KLHL13: variants seen among roughly 807,000 people sequenced by gnomAD.
KLHL13 encodes the protein kelch-like protein 13.
In KLHL13, 10 loss-of-function variants were observed where a neutral mutation model predicts 37.1. The observed-to-expected ratio is 0.27, with a 90% CI of 0.17 to 0.46. KLHL13 has a LOEUF of 0.46. Ranked by LOEUF, KLHL13 falls within the 20% of genes least tolerant of loss-of-function variation. The pLI is 1.00. For missense variants in KLHL13, 360 were observed against 509.3 expected, an observed-to-expected ratio of 0.71 and a Z score of 2.82; for synonymous variants, 163 against 181.2, an observed-to-expected ratio of 0.90 and a Z score of 0.81.
intron 1 of KLHL13, among the ~76,000 whole-genome samples, chrX:117,963,348 G>T (rs2053338472): frequency 9.0e-6 from 1 of 111,730 alleles, no homozygotes; most frequent in African/African-American, 3.3e-5. Context: ...AATTATTACT[G>T]CTTGGAAGGT....
At chrX:118,062,586 T>G (rs1400410454) in intron 1 of KLHL13, among the ~76,000 whole-genome samples, 6 of 110,939 alleles carry the variant, frequency 5.4e-5, no homozygotes, top group Non-Finnish European at 9.5e-5. Flanking sequence ...ACTACTTCAC[T>G]ACATCTTCTA....
intron 1 of KLHL13, among the ~76,000 whole-genome samples, chrX:118,053,422 T>C (rs745520149): frequency 1.3e-4 from 14 of 110,929 alleles, no homozygotes; most frequent in African/African-American, 4.3e-4. Flanking sequence ...TTCTCACTCA[T>C]AGGTGGGAAT....
intron 1 of KLHL13, among the ~76,000 whole-genome samples, chrX:118,096,141 C>G (rs9988280): frequency 9.0e-6 from 1 of 111,280 alleles, no homozygotes; most frequent in Non-Finnish European, 1.9e-5. Flanking sequence ...AATCCAGGAG[C>G]TGGTTTTTTG....
intron 2 of KLHL13, among the ~76,000 whole-genome samples, chrX:117,922,487 G>A (rs757054874): frequency 8.9e-6 from 1 of 111,908 alleles, no homozygotes; most frequent in Admixed American, 9.5e-5. Context: ...TTACTCAGAA[G>A]CTACCACTGG....
At chrX:118,059,087 C>A (rs1399548396) in intron 1 of KLHL13, among the ~76,000 whole-genome samples, 1 of 111,281 alleles carries the variant, frequency 9.0e-6, no homozygotes, top group Admixed American at 9.6e-5. Context: ...AAAAGCTGTT[C>A]AAGGAACATA....
chrX:118,111,828 G>T (rs1327158072), intron 1 of KLHL13, among the ~76,000 whole-genome samples: 1 of 112,115 alleles, frequency 8.9e-6, no homozygotes, highest in African/African-American at 3.2e-5. Flanking sequence ...GGAGGCGGAG[G>T]TTGCAGTGAG....
intron 1 of KLHL13, among the ~76,000 whole-genome samples, chrX:117,964,049 G>A (rs866126890): frequency 3.9e-5 from 3 of 76,696 alleles, no homozygotes; most frequent in Admixed American, 3.0e-4. Context: ...TGGTGGGGTC[G>A]GGGGAGGGGG....
rs191004046 is a variant in KLHL13, at chrX:117,971,046, A to C, written c.98+1685T>G. Among the ~76,000 whole-genome samples the C allele has an allele frequency of 9.9e-5, 11 of 111,483 alleles. No homozygotes were observed. The East Asian group carries it at 3.1e-3, about 31-fold the overall frequency. Reference sequence around the variant, plus strand: ...CTCATATCATCAGGTCAAAGAGGTAAGCACTTAAAAGGAAGAAAGTGATTA... The same window carrying C: ...CTCATATCATCAGGTCAAAGAGGTACGCACTTAAAAGGAAGAAAGTGATTA... On this transcript the variant is annotated intron_variant, in intron 1 of 6. Transcript: ENST00000262820.
At chrX:117,947,920 A>T (rs1460734572) in intron 1 of KLHL13, 1 of 112,304 alleles carries the variant, frequency 8.9e-6, no homozygotes, top group African/African-American at 3.2e-5. Flanking sequence ...GCTTAAAGGA[A>T]TGATTATCTG....
upstream of KLHL13, among the ~76,000 whole-genome samples, chrX:117,977,993 T>A (rs752481847): frequency 2.2e-4 from 25 of 112,090 alleles, no homozygotes; most frequent in African/African-American, 7.8e-4. Context: ...ATCAGATACA[T>A]TTAAAATTTC....
At chrX:117,900,504 C>T (rs1201608080) in intron 6 of KLHL13, among the ~76,000 whole-genome samples, 1 of 111,743 alleles carries the variant, frequency 8.9e-6, no homozygotes, top group African/African-American at 3.3e-5. Flanking sequence ...CAGCTGCCCA[C>T]ATAAAATAGA....
chrX:117,920,240 G>A, exon 3 of KLHL13: 1 of 1,208,552 alleles, frequency 8.3e-7, no homozygotes, highest in Non-Finnish European at 1.1e-6. Flanking sequence ...CAAACTACCT[G>A]TGAACATAGC....
At chrX:117,906,126 T>C (rs1930516639) in intron 5 of KLHL13, among the ~76,000 whole-genome samples, 2 of 111,749 alleles carry the variant, frequency 1.8e-5, no homozygotes, top group African/African-American at 6.5e-5. Flanking sequence ...ACAATGGGAA[T>C]GTTAATTTAT....
At chrX:118,097,567 G>T (rs1327110414) in intron 1 of KLHL13, among the ~76,000 whole-genome samples, 12 of 111,508 alleles carry the variant, frequency 1.1e-4, no homozygotes, top group East Asian at 5.6e-4. Flanking sequence ...TTCACAGAAT[G>T]GGAAAAAACT....
At chrX:118,036,754 C>T (rs182136837) in intron 1 of KLHL13, among the ~76,000 whole-genome samples, 2 of 109,930 alleles carry the variant, frequency 1.8e-5, no homozygotes, top group African/African-American at 6.7e-5. Context: ...GGATCTAATT[C>T]AACTAAAGAA....
chrX:118,022,714 T>C (rs1023962420), intron 1 of KLHL13, among the ~76,000 whole-genome samples: 2 of 112,491 alleles, frequency 1.8e-5, no homozygotes, highest in Non-Finnish European at 3.8e-5. Context: ...TACTGAGTTA[T>C]GTAAGTTATG....
In KLHL13 at chrX:118,027,058, G is replaced by C. The variant is rs143404950; in HGVS notation, c.-55-81483C>G. Among the ~76,000 whole-genome samples the C allele has an allele frequency of 1.6e-3, 182 of 111,782 alleles. 2 individuals are homozygous for C. The highest frequency in any genetic ancestry group is 5.7e-3 in the African/African-American group (176 of 30,856). On this transcript the variant is annotated intron_variant, in intron 1 of 6. Coordinates refer to the KLHL13 transcript ENST00000371882. Reference sequence around the variant, plus strand: ...AAAAGCAGACTGGTCACAAGCAAAAGTCACAACAACAGTTATTTTGGGATG... The same window carrying C: ...AAAAGCAGACTGGTCACAAGCAAAACTCACAACAACAGTTATTTTGGGATG...
At chrX:118,106,024 C>A (rs753190439) in intron 1 of KLHL13, among the ~76,000 whole-genome samples, 2 of 104,779 alleles carry the variant, frequency 1.9e-5, no homozygotes, top group South Asian at 9.0e-4. Flanking sequence ...GCCTCAGCCT[C>A]CCGAGTAGCT....
intron 4 of KLHL13, among the ~76,000 whole-genome samples, chrX:117,918,706 T>C (rs1931514130): frequency 9.0e-6 from 1 of 111,697 alleles, no homozygotes; most frequent in African/African-American, 3.3e-5. Flanking sequence ...TAGTTGTATG[T>C]GTCCTATCTT....
Sources: gnomAD v4.1 joint callset for allele counts (sites outside exome capture counted in the v4.1 genomes callset) on GRCh38, gnomAD v4.1.1 for gene constraint, MANE v1.5 for transcripts, NCBI Gene and HGNC (gene_info 2026-07-23, HGNC 2026-07-21) for gene names.